The following CRY2 variants were observed in gnomAD, a reference collection of about 807,000 sequenced individuals.
The protein encoded by CRY2 is cryptochrome circadian regulator 2.
In CRY2, 31 loss-of-function variants were observed where a neutral mutation model predicts 69.5. The observed-to-expected ratio is 0.45, with a 90% CI of 0.34 to 0.60. CRY2 has a LOEUF of 0.60. Among genes scored for constraint, CRY2 ranks in the 20% least tolerant of loss-of-function variants. The pLI, the probability that CRY2 is intolerant of heterozygous loss-of-function variation, is 0.02. For missense variants in CRY2, 606 were observed against 797.8 expected (o/e 0.76, Z 2.90); for synonymous variants, 303 against 312.2 (o/e 0.97, Z 0.31).
At position 45,872,182 on chromosome 11, in the gene CRY2, C is replaced by T. The variant is rs1169979015; in HGVS notation, c.1733C>T (p.Ala578Val). 1.9e-6 allele frequency: 3 copies of T among 1,613,996 alleles called. No homozygotes were observed. Among genetic ancestry groups the T allele is most frequent in the Non-Finnish European group, 2.5e-6 (3 of 1,180,014 alleles). ...CCTGGTGAAGAACTCAGCAAACGGG[C>T]CCGGGTGGCAGAGTTGCCAACCCCA... is the stretch of plus-strand genomic sequence containing the variant. ...EPPGEELSKR[A>V]RVAELPTPEL... Residue 578 changes from alanine (A) to valine (V), a missense_variant, in exon 11 of 12, where the codon GCC becomes GTC. Coordinates refer to ENST00000616080, the MANE Select transcript of CRY2 (RefSeq NM_021117.5).
At chr11:45,868,131 G>A (rs2086346265) in intron 6 of CRY2, among the ~76,000 whole-genome samples, 1 of 152,212 alleles carries the variant, frequency 6.6e-6, no homozygotes, top group South Asian at 2.1e-4. Context: ...GAGCATAGCT[G>A]CCCGCTCTGG....
intron 11 of CRY2, among the ~76,000 whole-genome samples, chr11:45,873,431 G>T (rs1367512278): frequency 6.6e-6 from 1 of 152,194 alleles, no homozygotes; most frequent in Non-Finnish European, 1.5e-5. Flanking sequence ...TTGTTCCTGG[G>T]AGTACCAGCA....
chr11:45,864,143 A>G (rs2086311029), intron 5 of CRY2, among the ~76,000 whole-genome samples: 1 of 152,126 alleles, frequency 6.6e-6, no homozygotes, highest in Non-Finnish European at 1.5e-5. Context: ...ACTAGCCACC[A>G]ATGTGCAGGT....
At chr11:45,862,672 G>A (rs1241040848) in intron 5 of CRY2, among the ~76,000 whole-genome samples, 1 of 152,202 alleles carries the variant, frequency 6.6e-6, no homozygotes, top group African/African-American at 2.4e-5. Context: ...CCCCTACTAA[G>A]AGGATATCTG....
intron 4 of CRY2, 99 bp from the exon 5 acceptor site, chr11:45,861,959 CTG>C: frequency 1.0e-6 from 1 of 1,001,974 alleles, no homozygotes; most frequent in Middle Eastern, 2.3e-4. Context: ...CACCGAGACA[CTG>C]TGGTTCAATT....
chr11:45,847,776 A>G (rs2086163521), intron 1 of CRY2, 71 bp downstream of exon 1: 1 of 1,468,628 alleles, frequency 6.8e-7, no homozygotes, highest in African/African-American at 1.4e-5. Flanking sequence ...GGCGAACAGC[A>G]CGATCCCCCC....
intron 11 of CRY2, among the ~76,000 whole-genome samples, chr11:45,878,204 G>A (rs551835898): frequency 3.3e-5 from 5 of 152,314 alleles, no homozygotes; most frequent in African/African-American, 1.2e-4. Flanking sequence ...ACACAGAGAG[G>A]AATGTGCACA....
chr11:45,862,309 G>A (rs1459641292), intron 5 of CRY2, among the ~76,000 whole-genome samples, 161 bp downstream of exon 5: 1 of 152,214 alleles, frequency 6.6e-6, no homozygotes, highest in Non-Finnish European at 1.5e-5. Context: ...AACACTAACA[G>A]CAACTACCAT....
chr11:45,872,301 C>T, intron 11 of CRY2, 68 bp downstream of exon 11: 1 of 1,438,818 alleles, frequency 7.0e-7, no homozygotes, highest in Non-Finnish European at 9.7e-7. Flanking sequence ...ACTGCCCTGC[C>T]AGCTGCAGGT....
chr11:45,856,235 G>A (rs2086238224), intron 2 of CRY2, 145 bp downstream of exon 2: 1 of 681,416 alleles, frequency 1.5e-6, no homozygotes, highest in East Asian at 2.7e-5. Context: ...GGGAGCAAAG[G>A]CAGCCAGTTA....
intron 11 of CRY2, among the ~76,000 whole-genome samples, 162 bp downstream of exon 11, chr11:45,872,395 G>A (rs975015852): frequency 1.3e-5 from 2 of 151,834 alleles, no homozygotes; most frequent in African/African-American, 4.8e-5. Context: ...AGTGGCAGCC[G>A]GGTTCCATCC....
chr11:45,855,258 G>A (rs1447433028), intron 1 of CRY2, among the ~76,000 whole-genome samples: 1 of 151,776 alleles, frequency 6.6e-6, no homozygotes, highest in East Asian at 1.9e-4. Flanking sequence ...GCCCTGGAGA[G>A]GCCTGGAGAG....
chr11:45,861,208 G>T, intron 4 of CRY2, 176 bp downstream of exon 4: 1 of 651,114 alleles, frequency 1.5e-6, no homozygotes, highest in Non-Finnish European at 2.6e-6. Context: ...ATTTTAAACT[G>T]TGTCCTTCTA....
intron 2 of CRY2, chr11:45,856,314 T>C: frequency 3.8e-6 from 2 of 519,806 alleles, no homozygotes; most frequent in Admixed American, 3.3e-5. Context: ...GTTGGAAAGC[T>C]CTCAGCTCAG....
At chr11:45,878,608 A>G (rs948606322) in intron 11 of CRY2, among the ~76,000 whole-genome samples, 2 of 152,228 alleles carry the variant, frequency 1.3e-5, no homozygotes, top group African/African-American at 2.4e-5. Context: ...AAAATTATTG[A>G]AAATAACACA....
At chr11:45,874,817 C>G (rs979079346) in intron 11 of CRY2, among the ~76,000 whole-genome samples, 2 of 152,046 alleles carry the variant, frequency 1.3e-5, no homozygotes, top group Non-Finnish European at 2.9e-5. Context: ...GTGGCAGGTG[C>G]CTGTAGTCCC....
chr11:45,847,786 C>CA, intron 1 of CRY2, 81 bp downstream of exon 1: 1 of 1,444,858 alleles, frequency 6.9e-7, no homozygotes, highest in Non-Finnish European at 9.2e-7. Flanking sequence ...ACGATCCCCC[C>CA]AACCCCGCCA....
At chr11:45,852,297 G>T (rs1470394247) in intron 1 of CRY2, among the ~76,000 whole-genome samples, 2 of 152,216 alleles carry the variant, frequency 1.3e-5, no homozygotes, top group South Asian at 4.1e-4. Flanking sequence ...CAATGCCCAG[G>T]CCAGTTTCCT....
intron 1 of CRY2, among the ~76,000 whole-genome samples, chr11:45,854,618 T>C (rs2086225123): frequency 6.6e-6 from 1 of 152,110 alleles, no homozygotes; most frequent in African/African-American, 2.4e-5. Flanking sequence ...GAACCTGGGT[T>C]GGGGAGGTTG....
Sources: gnomAD v4.1 joint callset for allele counts (sites outside exome capture counted in the v4.1 genomes callset) on GRCh38, gnomAD v4.1.1 for gene constraint, MANE v1.5 for transcripts, NCBI Gene and HGNC (gene_info 2026-07-23, HGNC 2026-07-21) for gene names.